HELLS: variants seen among roughly 807,000 people sequenced by gnomAD.
HELLS encodes the protein helicase, lymphoid specific.
A neutral mutation model predicts 120.0 loss-of-function variants in HELLS; 32 were observed. The ratio of observed to expected loss-of-function variants is 0.27; its 90% CI spans 0.20 to 0.36. The LOEUF (loss-of-function observed/expected upper bound fraction) is 0.36, where lower values mean the gene tolerates loss of function less well. HELLS is among the 10% of genes least tolerant of loss of function. The pLI is 1.00. For missense variants in HELLS, 650 were observed against 993.4 expected (o/e 0.65, Z 4.65); for synonymous variants, 341 against 323.4 (o/e 1.05, Z -0.58).
intron 6 of HELLS, chr10:94,570,514 A>G (rs1267717294): frequency 2.0e-5 from 3 of 152,052 alleles, no homozygotes; most frequent in Non-Finnish European, 2.9e-5. Flanking sequence ...TTACTCTTCT[A>G]TGAATCTTAA....
chr10:94,588,430 A>T, intron 13 of HELLS, 40 bp downstream of exon 13: 1 of 1,434,710 alleles, frequency 7.0e-7, no homozygotes, highest in Non-Finnish European at 9.3e-7. Context: ...GAAACTTGAC[A>T]TATAAAATTT....
intron 12 of HELLS, chr10:94,584,066 TTA>T: frequency 7.3e-7 from 1 of 1,375,080 alleles, no homozygotes; most frequent in Non-Finnish European, 9.9e-7. Context: ...CAGAAAAGAT[TTA>T]TATGATATAC....
At chr10:94,584,069 T>C in intron 12 of HELLS, 1 of 1,391,826 alleles carries the variant, frequency 7.2e-7, no homozygotes, top group Non-Finnish European at 9.7e-7. Context: ...AAAAGATTTA[T>C]ATGATATACG....
chr10:94,566,178 G>A (rs1843788025), intron 6 of HELLS, among the ~76,000 whole-genome samples: 1 of 152,074 alleles, frequency 6.6e-6, no homozygotes, highest in Admixed American at 6.6e-5. Flanking sequence ...CACTGTGTCC[G>A]GTTGGGAATT....
Position 94,590,726 on chromosome 10 carries a change from C to A in HELLS, c.1717C>A (p.His573Asn). 6.3e-7 allele frequency: 1 copy of A among 1,595,998 alleles called. No individual in the cohort carries two copies. The highest frequency in any genetic ancestry group is 1.1e-5 in the South Asian group (1 of 90,268). ...GATGCTACTTCGTAAATGTTGTAAT[C>A]ATCCATATTTGATTGAATATCCTAT... ...IMMLLRKCCN[H>N]PYLIEYPIDP... is the part of the protein sequence containing the mutation. The change falls in exon 15 of 22, where the codon CAT becomes AAT. Residue 573 changes from histidine to asparagine, a missense_variant. Transcript: ENST00000348459.
At chr10:94,556,530 G>A in intron 3 of HELLS, among the ~76,000 whole-genome samples, 1 of 152,068 alleles carries the variant, frequency 6.6e-6, no homozygotes, top group East Asian at 1.9e-4. Context: ...ATATACTTGT[G>A]AAGACATAAC....
chr10:94,585,484 C>T (rs1387057659), intron 12 of HELLS, among the ~76,000 whole-genome samples: 3 of 147,976 alleles, frequency 2.0e-5, no homozygotes, highest in Admixed American at 6.8e-5. Context: ...CAGGTTCAAG[C>T]GATTTTCCTG....
exon 9 of HELLS, chr10:94,607,998 T>C (rs771715099): frequency 2.6e-5 from 10 of 377,898 alleles, no homozygotes; most frequent in South Asian, 1.9e-4. Context: ...GTGCTGGGAT[T>C]ACAAGCGTGA....
In HELLS at chr10:94,609,011, CTTTTTTTTTTTTTTTT is replaced by C. The variant is rs71031590; in HGVS notation, c.*2-828_*2-813del. ...TTACACTTTTTGTCTGTATCCACCT[CTTTTTTTTTTTTTTTT>C]TTTTTTTTTTTTTGAGATGGAGTTT... On this transcript the variant is annotated intron_variant, in intron 9 of 9. Coordinates refer to the HELLS transcript ENST00000371327. 5.3e-3 allele frequency among the ~76,000 whole-genome samples: 364 copies of C among 68,246 alleles called. 3 individuals are homozygous for C. Among genetic ancestry groups the C allele is most frequent in the African/African-American group, 0.02 (350 of 17,414 alleles). 44.8% of individuals were successfully genotyped at this position (68,246 alleles called of 152,430 possible).
chr10:94,546,125 A>G (rs1842742377), intron 1 of HELLS, among the ~76,000 whole-genome samples, 173 bp downstream of exon 1: 1 of 152,180 alleles, frequency 6.6e-6, no homozygotes, highest in South Asian at 2.1e-4. Flanking sequence ...AATCGCACGT[A>G]TTAGCATGCC....
At chr10:94,560,652 G>A (rs556789633) in intron 4 of HELLS, among the ~76,000 whole-genome samples, 1 of 152,106 alleles carries the variant, frequency 6.6e-6, no homozygotes, top group East Asian at 1.9e-4. Context: ...GGCCAAGATT[G>A]CATCACCGCA....
chr10:94,569,909 A>G (rs750606133), intron 6 of HELLS: 1 of 152,204 alleles, frequency 6.6e-6, no homozygotes, highest in Non-Finnish European at 1.5e-5. Flanking sequence ...GTAATTCTGT[A>G]TAATTCCCCA....
chr10:94,575,493 ATTAT>A (rs1356549258), intron 9 of HELLS, among the ~76,000 whole-genome samples: 1 of 150,682 alleles, frequency 6.6e-6, no homozygotes, highest in Non-Finnish European at 1.5e-5. Flanking sequence ...TTATATATAT[ATTAT>A]TTATTTATTT....
At chr10:94,558,985 A>G (rs149187137) in intron 4 of HELLS, among the ~76,000 whole-genome samples, 1 of 152,222 alleles carries the variant, frequency 6.6e-6, no homozygotes, top group African/African-American at 2.4e-5. Flanking sequence ...ATGCAAGGAG[A>G]TAAAGAACAA....
chr10:94,577,126 G>A (rs770816641), intron 10 of HELLS: 13 of 452,034 alleles, frequency 2.9e-5, no homozygotes, highest in South Asian at 1.0e-4. Flanking sequence ...TTTACTTATC[G>A]TATTTTAATC....
chr10:94,589,649 C>T (rs1373651655), intron 13 of HELLS, among the ~76,000 whole-genome samples: 2 of 143,214 alleles, frequency 1.4e-5, no homozygotes, highest in Non-Finnish European at 3.0e-5. Context: ...CATTTTTAAA[C>T]AATAGGACCA....
chr10:94,576,293 C>T (rs554927533), intron 9 of HELLS, among the ~76,000 whole-genome samples: 47 of 152,178 alleles, frequency 3.1e-4, no homozygotes, highest in African/African-American at 7.9e-4. Flanking sequence ...GCTGGCACTA[C>T]GGGTGCGTAC....
intron 2 of HELLS, among the ~76,000 whole-genome samples, chr10:94,548,987 C>G (rs560971506): frequency 8.9e-4 from 135 of 151,894 alleles, no homozygotes; most frequent in African/African-American, 2.6e-3. Flanking sequence ...GAGCAAGATT[C>G]CGTCTCAAAA....
intron 9 of HELLS, among the ~76,000 whole-genome samples, chr10:94,575,803 G>A (rs962857079): frequency 2.1e-5 from 3 of 144,882 alleles, no homozygotes; most frequent in African/African-American, 7.5e-5. Flanking sequence ...GTGTGTGTGT[G>A]TGTGTGTGTG....
Sources: gnomAD v4.1 joint callset for allele counts (sites outside exome capture counted in the v4.1 genomes callset) on GRCh38, gnomAD v4.1.1 for gene constraint, MANE v1.5 for transcripts, NCBI Gene and HGNC (gene_info 2026-07-23, HGNC 2026-07-21) for gene names.